The following TAS2R1 variants were observed in gnomAD, a reference collection of about 807,000 sequenced individuals.
TAS2R1 encodes taste receptor type 2 member 1.
For synonymous variants in TAS2R1, 141 were observed against 134.2 expected (o/e 1.05, Z -0.35); for missense variants, 370 against 353.4 (o/e 1.05, Z -0.38).
the TAS2R1 span, among the ~76,000 whole-genome samples, chr5:9,723,785 G>A: frequency 1.3e-5 from 2 of 152,234 alleles, no homozygotes; most frequent in Admixed American, 6.5e-5. Flanking sequence ...ATGACCAGTT[G>A]TGCTGCCGGG....
chr5:9,879,224 A>G, the TAS2R1 span, among the ~76,000 whole-genome samples: 1 of 152,274 alleles, frequency 6.6e-6, no homozygotes, highest in East Asian at 1.9e-4. Flanking sequence ...CAACATATTT[A>G]ATACACAGGA....
chr5:9,708,709 T>C (rs1417944690), intron 1 of TAS2R1, among the ~76,000 whole-genome samples: 1 of 152,156 alleles, frequency 6.6e-6, no homozygotes, highest in African/African-American at 2.4e-5. Flanking sequence ...GGTTTGGAGA[T>C]AAGGCCTTTC....
At chr5:9,735,260 G>A in the TAS2R1 span, among the ~76,000 whole-genome samples, 1 of 151,356 alleles carries the variant, frequency 6.6e-6, no homozygotes, top group Non-Finnish European at 1.5e-5. Flanking sequence ...TTTGGGTGAG[G>A]ACACAGAGCC....
the TAS2R1 span, among the ~76,000 whole-genome samples, chr5:9,834,799 C>T: frequency 1.8e-4 from 27 of 151,606 alleles, no homozygotes; most frequent in African/African-American, 5.8e-4. Flanking sequence ...CTTTGTAGTC[C>T]AGGCACTTGG....
At position 9,628,677 on chromosome 5, in the gene TAS2R1, A is replaced by T. The variant is rs962597525; in HGVS notation, c.*456T>A. Among the ~76,000 whole-genome samples the T allele has an allele frequency of 1.3e-5, 2 of 152,240 alleles. No individual in the cohort carries two copies. The highest frequency in any genetic ancestry group is 2.9e-5 in the Non-Finnish European group (2 of 68,038). ...GAACAGTCAGCCCGTTAAGGTCAGG[A>T]AAAACCATCAAAGACAAGGCGTCAG... On this transcript the variant is annotated 3_prime_UTR_variant, in exon 1 of 1. Coordinates refer to ENST00000382492, the MANE Select transcript of TAS2R1 (RefSeq NM_019599.3).
intron 1 of TAS2R1, among the ~76,000 whole-genome samples, chr5:9,692,512 T>C (rs980794131): frequency 1.3e-5 from 2 of 152,222 alleles, no homozygotes; most frequent in African/African-American, 2.4e-5. Context: ...TCAGAAAATT[T>C]ATTTCCCTGT....
chr5:9,790,349 G>A, the TAS2R1 span, among the ~76,000 whole-genome samples: 1 of 152,044 alleles, frequency 6.6e-6, no homozygotes, highest in Non-Finnish European at 1.5e-5. Context: ...AAATTTTGGA[G>A]ATAATTTAAA....
the TAS2R1 span, among the ~76,000 whole-genome samples, chr5:9,849,381 G>A: frequency 6.6e-6 from 1 of 152,316 alleles, no homozygotes; most frequent in Middle Eastern, 3.4e-3. Flanking sequence ...TCCATGCATT[G>A]GAAATACATG....
the TAS2R1 span, among the ~76,000 whole-genome samples, chr5:9,753,739 G>C: frequency 6.6e-6 from 1 of 152,094 alleles, no homozygotes; most frequent in Non-Finnish European, 1.5e-5. Context: ...GTGTAAGGAA[G>C]GGATCCAGTT....
At chr5:9,675,863 T>G (rs1740865029) in intron 1 of TAS2R1, among the ~76,000 whole-genome samples, 1 of 152,210 alleles carries the variant, frequency 6.6e-6, no homozygotes, top group African/African-American at 2.4e-5. Context: ...TCTTGTCTAA[T>G]TGCTCTGGCT....
the TAS2R1 span, among the ~76,000 whole-genome samples, chr5:9,731,511 T>C: frequency 2.0e-5 from 3 of 152,178 alleles, no homozygotes; most frequent in Non-Finnish European, 4.4e-5. Context: ...GAGCTTCTCC[T>C]AGGTGGCCAT....
At chr5:9,866,546 G>C in the TAS2R1 span, among the ~76,000 whole-genome samples, 1 of 151,984 alleles carries the variant, frequency 6.6e-6, no homozygotes, top group Non-Finnish European at 1.5e-5. Flanking sequence ...CTTTTTTTCC[G>C]TCTGGGACTG....
At chr5:9,759,079 A>C in the TAS2R1 span, among the ~76,000 whole-genome samples, 57 of 152,360 alleles carry the variant, frequency 3.7e-4, no homozygotes, top group African/African-American at 1.3e-3. Context: ...TCCATTATTT[A>C]ATCTGGTTCA....
At chr5:9,860,412 G>A in the TAS2R1 span, among the ~76,000 whole-genome samples, 1 of 152,138 alleles carries the variant, frequency 6.6e-6, no homozygotes, top group Non-Finnish European at 1.5e-5. Context: ...TTGCCTCACA[G>A]CTCATCTCTC....
At chr5:9,719,056 G>A in the TAS2R1 span, among the ~76,000 whole-genome samples, 5 of 152,200 alleles carry the variant, frequency 3.3e-5, no homozygotes, top group African/African-American at 1.2e-4. Context: ...TAGAATATGG[G>A]CAGTGGATTA....
chr5:9,873,176 A>G, the TAS2R1 span, among the ~76,000 whole-genome samples: 1 of 151,978 alleles, frequency 6.6e-6, no homozygotes, highest in Non-Finnish European at 1.5e-5. Context: ...TGCTGCTGAG[A>G]CCCAGGCCCC....
At chr5:9,673,539 TATAA>T (rs1460660278) in intron 1 of TAS2R1, among the ~76,000 whole-genome samples, 24 of 151,950 alleles carry the variant, frequency 1.6e-4, no homozygotes, top group Non-Finnish European at 4.4e-5. Context: ...ATTTTTTATT[TATAA>T]ATACTGAAAT....
the TAS2R1 span, among the ~76,000 whole-genome samples, chr5:9,733,845 C>T: frequency 6.6e-6 from 1 of 152,030 alleles, no homozygotes; most frequent in African/African-American, 2.4e-5. Flanking sequence ...AAAAAAAATT[C>T]TAAAAATTGC....
the TAS2R1 span, among the ~76,000 whole-genome samples, chr5:9,748,768 C>A: frequency 1.3e-5 from 2 of 152,110 alleles, no homozygotes; most frequent in African/African-American, 4.8e-5. Context: ...GCCTCACTTC[C>A]AACACTGGGG....
Sources: allele counts gnomAD v4.1 joint callset (sites outside exome capture counted in the v4.1 genomes callset), GRCh38; gene constraint gnomAD v4.1.1; transcripts MANE v1.5; gene names NCBI Gene and HGNC (gene_info 2026-07-23, HGNC 2026-07-21).